Variants in PRKX observed in about 807,000 individuals in gnomAD.
PRKX encodes cAMP-dependent protein kinase catalytic subunit PRKX.
In PRKX, 12 loss-of-function variants were observed where a neutral mutation model predicts 22.0. The observed-to-expected ratio is 0.54, with a 90% CI of 0.35 to 0.88. The LOEUF is 0.88. Ranked by LOEUF, PRKX falls within the 40% of genes least tolerant of loss-of-function variation. The probability of loss-of-function intolerance (pLI) is 0.01; values close to 1 mark genes in which losing one functional copy is unlikely to be tolerated. For synonymous variants in PRKX, 134 were observed against 137.7 expected, an observed-to-expected ratio of 0.97 and a Z score of 0.19; for missense variants, 217 against 308.0, an observed-to-expected ratio of 0.70 and a Z score of 2.21.
chrX:3,642,487 G>C (rs1472579433), intron 3 of PRKX, among the ~76,000 whole-genome samples: 1 of 110,056 alleles, frequency 9.1e-6, no homozygotes, highest in Non-Finnish European at 1.9e-5. Flanking sequence ...AGAAGCACAG[G>C]AGAAGGATGA....
intron 4 of PRKX, among the ~76,000 whole-genome samples, chrX:3,628,778 T>C (rs1028758500): frequency 1.1e-4 from 12 of 110,048 alleles, no homozygotes; most frequent in African/African-American, 4.0e-4. Flanking sequence ...CTGTGGGTCA[T>C]GCCTGCAATC....
Position 3,630,377 on chromosome X carries a change from A to G in PRKX, c.720-3863T>C, listed in dbSNP as rs774757880. ...AGATCGAGACCATCCTGGCTAACAC[A>G]GTGAAACCCTGTCTCTACCAAAAAT... On this transcript the variant is annotated intron_variant, in intron 4 of 8. Transcript: ENST00000262848. 3.6e-3 allele frequency among the ~76,000 whole-genome samples: 393 copies of G among 110,380 alleles called. 3 individuals carry two copies. Among genetic ancestry groups the G allele is most frequent in the African/African-American group, 0.012 (353 of 30,614 alleles).
At chrX:3,693,584 C>T (rs768392199) in intron 1 of PRKX, among the ~76,000 whole-genome samples, 401 of 110,802 alleles carry the variant, frequency 3.6e-3, no homozygotes, top group African/African-American at 0.012. Context: ...GAATGGTGCC[C>T]CCCAAAAATA....
intron 1 of PRKX, among the ~76,000 whole-genome samples, chrX:3,676,668 TCA>T (rs1248822703): frequency 1.8e-5 from 2 of 111,916 alleles, no homozygotes; most frequent in African/African-American, 6.5e-5. Context: ...TTGCATGATC[TCA>T]CTTATACAAG....
At chrX:3,619,884 G>A (rs1301658092) in intron 6 of PRKX, among the ~76,000 whole-genome samples, 1 of 111,611 alleles carries the variant, frequency 9.0e-6, no homozygotes, top group Non-Finnish European at 1.9e-5. Context: ...AATTTACAGG[G>A]TCAAGACGTA....
chrX:3,689,602 C>CT (rs1928257549), intron 1 of PRKX, among the ~76,000 whole-genome samples: 1 of 111,903 alleles, frequency 8.9e-6, no homozygotes, highest in African/African-American at 3.3e-5. Context: ...ATCACTTGAG[C>CT]CCAGGAGTTC....
chrX:3,643,026 A>G (rs1205401411), intron 3 of PRKX, among the ~76,000 whole-genome samples: 1 of 105,666 alleles, frequency 9.5e-6, no homozygotes, highest in Non-Finnish European at 1.9e-5. Flanking sequence ...AAAAAAAAAA[A>G]AAAAGGTGCA....
chrX:3,688,667 A>G (rs1928231390), intron 1 of PRKX, among the ~76,000 whole-genome samples: 1 of 110,386 alleles, frequency 9.1e-6, no homozygotes, highest in Admixed American at 9.8e-5. Context: ...GATCGAGACT[A>G]GCCTGGGCAA....
intron 1 of PRKX, among the ~76,000 whole-genome samples, chrX:3,690,305 G>C (rs1928296254): frequency 8.9e-6 from 1 of 111,871 alleles, no homozygotes; most frequent in Non-Finnish European, 1.9e-5. Flanking sequence ...CTAGACAGTT[G>C]GAAACAAACT....
At chrX:3,672,694 T>C (rs1001315499) in intron 2 of PRKX, among the ~76,000 whole-genome samples, 6 of 108,161 alleles carry the variant, frequency 5.5e-5, no homozygotes, top group African/African-American at 1.4e-4. Flanking sequence ...AAACTGGGGG[T>C]TGGGGTGGAG....
At chrX:3,689,703 C>T (rs35458025) in intron 1 of PRKX, among the ~76,000 whole-genome samples, 20,009 of 110,524 alleles carry the variant, frequency 0.18, 1,491 homozygotes, top group East Asian at 0.41. Flanking sequence ...ATGGGCTGGG[C>T]GCGGTGGCTC....
intron 3 of PRKX, among the ~76,000 whole-genome samples, chrX:3,652,191 G>A (rs936409910): frequency 4.5e-5 from 5 of 110,429 alleles, no homozygotes; most frequent in African/African-American, 1.3e-4. Flanking sequence ...TGCCAAGGTG[G>A]GCGCATCACA....
At chrX:3,682,653 G>A (rs2146599604) in intron 1 of PRKX, among the ~76,000 whole-genome samples, 1 of 112,200 alleles carries the variant, frequency 8.9e-6, no homozygotes, top group Non-Finnish European at 1.9e-5. Context: ...CGTGGAGAAA[G>A]AGGCAGAGAG....
intron 2 of PRKX, among the ~76,000 whole-genome samples, chrX:3,660,017 T>C (rs1336860562): frequency 1.7e-4 from 19 of 111,742 alleles, no homozygotes; most frequent in Non-Finnish European, 7.5e-5. Context: ...AAATGCCCTG[T>C]TTTTCTGCTT....
rs1483274097 is a variant in PRKX, at chrX:3,713,603, C to T, written c.-350G>A. 1 of 135,805 alleles carries T rather than the reference C, an allele frequency of 7.4e-6. No individual in the cohort carries two copies. The highest frequency in any genetic ancestry group is 1.5e-5 in the Non-Finnish European group (1 of 67,939). 11.2% of individuals were successfully genotyped at this position (135,805 alleles called of 1,213,427 possible). A position where few individuals can be genotyped will look rare whatever the true frequency, so the allele number is the denominator to read the frequency against. On this transcript the variant is annotated 5_prime_UTR_variant, in exon 1 of 9. Transcript: ENST00000262848. The stretch of plus-strand genomic sequence containing the variant: ...CGGGTCTCGCGCCCGCCGCCTCCTC[C>T]AGCTCGGTAGCCGCGTGCGCGCTGT...
At chrX:3,659,897 G>C (rs1308371617) in intron 2 of PRKX, among the ~76,000 whole-genome samples, 1 of 110,083 alleles carries the variant, frequency 9.1e-6, no homozygotes, top group African/African-American at 3.3e-5. Context: ...GCTACTTTTG[G>C]TATGTAGTGG....
intron 3 of PRKX, among the ~76,000 whole-genome samples, chrX:3,654,215 T>G (rs1476052261): frequency 1.0e-5 from 1 of 95,241 alleles, no homozygotes; most frequent in Non-Finnish European, 2.0e-5. Context: ...ACCTATATGA[T>G]ACTATATCAT....
chrX:3,624,100 G>A (rs771558634), intron 5 of PRKX, among the ~76,000 whole-genome samples: 1 of 111,153 alleles, frequency 9.0e-6, no homozygotes, highest in Non-Finnish European at 1.9e-5. Context: ...AGTGGTTCAC[G>A]CCTGTAATCC....
chrX:3,620,053 C>A (rs1926522839), intron 6 of PRKX, among the ~76,000 whole-genome samples: 1 of 111,676 alleles, frequency 9.0e-6, no homozygotes, highest in Admixed American at 9.6e-5. Flanking sequence ...TATATACTTG[C>A]CTCCACACAA....
Sources: gnomAD v4.1 joint callset for allele counts (sites outside exome capture counted in the v4.1 genomes callset) on GRCh38, gnomAD v4.1.1 for gene constraint, MANE v1.5 for transcripts, NCBI Gene and HGNC (gene_info 2026-07-23, HGNC 2026-07-21) for gene names.